The following TRPC4AP variants were observed in gnomAD, a reference collection of about 807,000 sequenced individuals.
The protein encoded by TRPC4AP is short transient receptor potential channel 4-associated protein.
In TRPC4AP, 45 loss-of-function variants were observed where a neutral mutation model predicts 99.0. The observed-to-expected ratio is 0.45, with a 90% confidence interval of 0.36 to 0.58. The LOEUF (loss-of-function observed/expected upper bound fraction) is 0.58. TRPC4AP is among the 20% of genes least tolerant of loss of function. The pLI, the probability that TRPC4AP is intolerant of heterozygous loss-of-function variation, is 0.00. For missense variants in TRPC4AP, 879 were observed against 985.3 expected (o/e 0.89, Z 1.44); for synonymous variants, 408 against 385.8 (o/e 1.06, Z -0.67).
Position 35,003,466 on chromosome 20 carries a change from G to C in TRPC4AP, c.2200C>G (p.Arg734Gly). Reference sequence around the variant, plus strand: ...TGCAGGTAGTGCTGCTGCCAGAAGCGCAGCAGGTTGTGGAAGTTGTTGAGC... The same window carrying C: ...TGCAGGTAGTGCTGCTGCCAGAAGCCCAGCAGGTTGTGGAAGTTGTTGAGC... ...FLLNNFHNLL[R>G]FWQQHYLHKD... Residue 734 changes from arginine to glycine, a missense_variant, in exon 18 of 19, where the codon CGC (arginine) becomes GGC (glycine). Physicochemically the swap from Arg to Gly is moderately radical, Grantham distance 125. Around this residue, in one of 3 missense-constraint regions of TRPC4AP, gnomAD observed 224 missense variants for 264.7 expected, o/e 0.85. Transcript: ENST00000252015. 6.2e-7 allele frequency: 1 copy of C among 1,614,146 alleles called. No homozygotes were observed. Among genetic ancestry groups the C allele is most frequent in the Non-Finnish European group, 8.5e-7 (1 of 1,180,032 alleles).
chr20:35,023,006 G>A (rs543604128), intron 8 of TRPC4AP, among the ~76,000 whole-genome samples: 6 of 145,246 alleles, frequency 4.1e-5, no homozygotes, highest in African/African-American at 7.5e-5. Flanking sequence ...CAGCCTGGGC[G>A]ACAGAGCTGG....
chr20:35,035,237 T>C lies in TRPC4AP; in HGVS notation c.937A>G (p.Thr313Ala), dbSNP rs772190656. The change falls in exon 8 of 19, where the codon ACG (threonine) becomes GCG (alanine). Residue 313 changes from threonine (T) to alanine (A), a missense_variant. Coordinates refer to ENST00000252015, the MANE Select transcript of TRPC4AP (RefSeq NM_015638.3). Reference sequence around the variant, plus strand: ...TCCTGAAGGAAGCTGGCTGTGCCCGTTGACTCTGACACCTTTCGAGTCGCC... The same window carrying C: ...TCCTGAAGGAAGCTGGCTGTGCCCGCTGACTCTGACACCTTTCGAGTCGCC... ...KLATRKVSES[T>A]GTASFLQELE... The C allele has an allele frequency of 7.4e-6, 12 of 1,614,058 alleles. No individual in the cohort carries two copies. Among genetic ancestry groups the C allele is most frequent in the African/African-American group, 4.0e-5 (3 of 74,894 alleles).
Position 35,002,976 on chromosome 20 carries a change from A to G in TRPC4AP, c.*170T>C. 1 of 872,186 alleles carries G rather than the reference A, an allele frequency of 1.1e-6. No individual in the cohort carries two copies. The highest frequency in any genetic ancestry group is 2.7e-5 in the Admixed American group (1 of 37,002). 54.0% of individuals were successfully genotyped at this position (872,186 alleles called of 1,614,324 possible). ...AGGCTCTCCATGACCTAGGGCCCTCAGACCCAGGGGGACCAAGGGCTTCTA... is the reference window on the plus strand; with the variant it reads ...AGGCTCTCCATGACCTAGGGCCCTCGGACCCAGGGGGACCAAGGGCTTCTA... On this transcript the variant is annotated 3_prime_UTR_variant, in exon 19 of 19. Coordinates refer to ENST00000252015, the MANE Select transcript of TRPC4AP (RefSeq NM_015638.3).
At chr20:35,074,599 C>G (rs898958647) in intron 2 of TRPC4AP, among the ~76,000 whole-genome samples, 5 of 152,152 alleles carry the variant, frequency 3.3e-5, no homozygotes, top group African/African-American at 1.2e-4. Flanking sequence ...TTTCTTAATC[C>G]TGAGTTCTAG....
intron 2 of TRPC4AP, among the ~76,000 whole-genome samples, chr20:35,077,534 T>C (rs1187335657): frequency 6.6e-6 from 1 of 152,156 alleles, no homozygotes; most frequent in African/African-American, 2.4e-5. Flanking sequence ...CTCTGTGTTT[T>C]AACACGCTCT....
intron 1 of TRPC4AP, among the ~76,000 whole-genome samples, chr20:35,089,149 G>T (rs1378261235): frequency 6.6e-6 from 1 of 151,502 alleles, no homozygotes; most frequent in Non-Finnish European, 1.5e-5. Context: ...GATTACAGGT[G>T]TAAGCCACCA....
In TRPC4AP at chr20:35,002,813, GGACT is replaced by G. The variant is rs957767976; in HGVS notation, c.*329_*332del. On this transcript the variant is annotated 3_prime_UTR_variant, in exon 19 of 19. Transcript: ENST00000252015. ...CACCCATATCTTCCTCCCCACTCTG[GGACT>G]GACTGACAGCCAAGAAACCGGCAGG... 8 of 251,728 alleles carry G rather than the reference GGACT, an allele frequency of 3.2e-5. No individual in the cohort carries two copies. The highest frequency in any genetic ancestry group is 2.9e-4 in the East Asian group (3 of 10,208). 15.6% of individuals were successfully genotyped at this position (251,728 alleles called of 1,614,324 possible).
intron 2 of TRPC4AP, among the ~76,000 whole-genome samples, chr20:35,077,061 G>A (rs1434632230): frequency 6.6e-6 from 1 of 152,212 alleles, no homozygotes; most frequent in Non-Finnish European, 1.5e-5. Flanking sequence ...GACCCTCCAA[G>A]CCAGGCGCAG....
intron 7 of TRPC4AP, 134 bp from the exon 8 acceptor site, chr20:35,035,442 G>A (rs1417929092): frequency 2.0e-6 from 2 of 999,004 alleles, no homozygotes; most frequent in Admixed American, 6.2e-5. Flanking sequence ...CTTTTAAAAT[G>A]AATGTCAAAC....
In TRPC4AP at chr20:35,003,515, G is replaced by A. The variant is rs371293020; in HGVS notation, c.2151C>T (p.His717=). The A allele has an allele frequency of 3.7e-6, 6 of 1,613,940 alleles. No homozygotes were observed. The highest frequency in any genetic ancestry group is 4.2e-6 in the Non-Finnish European group (5 of 1,180,040). Residue 717 remains histidine (H), a synonymous_variant, in exon 18 of 19, where the codon CAC becomes CAT. Coordinates refer to ENST00000252015, the MANE Select transcript of TRPC4AP (RefSeq NM_015638.3). Reference sequence around the variant, plus strand: ...GCAGGAAGCCGGGGTACTTCTTGCTGTGCTCCATCCGCTGCAGCAGCCGCA... The same window carrying A: ...GCAGGAAGCCGGGGTACTTCTTGCTATGCTCCATCCGCTGCAGCAGCCGCA... ...LYLRLLQRME[H]SKKYPGFLLN...
chr20:35,034,072 G>A lies in TRPC4AP; in HGVS notation c.1051+1051C>T, dbSNP rs1326550140. Reference sequence around the variant, plus strand: ...AGGCAGGAGAATGGCGTGAACCCGGGAAGCGGAGCTTGCAGTGAGCCGAGA... The same window carrying A: ...AGGCAGGAGAATGGCGTGAACCCGGAAAGCGGAGCTTGCAGTGAGCCGAGA... On this transcript the variant is annotated intron_variant, in intron 8 of 18. Transcript: ENST00000252015. Among the ~76,000 whole-genome samples, 5 of 51,484 alleles carry A rather than the reference G, an allele frequency of 9.7e-5. 2 individuals are homozygous for A. In the South Asian group the frequency reaches 3.8e-3, roughly 39 times the overall value. The allele number at this position is 51,484 out of a possible 152,430, so 33.8% of individuals were successfully genotyped here. A position where few individuals can be genotyped will look rare whatever the true frequency, so the allele number is the denominator to read the frequency against.
At chr20:35,066,171 T>C (rs2145982564) in intron 3 of TRPC4AP, among the ~76,000 whole-genome samples, 2 of 152,192 alleles carry the variant, frequency 1.3e-5, no homozygotes, top group Middle Eastern at 6.8e-3. Context: ...TGGTGCGATC[T>C]CGGCTCACTG....
At position 35,003,486 on chromosome 20, in the gene TRPC4AP, T is replaced by C. The variant is rs993325174; in HGVS notation, c.2180A>G (p.Asn727Ser). The C allele has an allele frequency of 6.2e-7, 1 of 1,614,092 alleles. No individual in the cohort carries two copies. The highest frequency in any genetic ancestry group is 1.7e-5 in the Admixed American group (1 of 60,026). ...HSKKYPGFLL[N>S]NFHNLLRFWQ... ...GAAGCGCAGCAGGTTGTGGAAGTTG[T>C]TGAGCAGGAAGCCGGGGTACTTCTT... The change falls in exon 18 of 19, where the codon AAC becomes AGC. Residue 727 changes from asparagine to serine, a missense_variant. Around this residue, in one of 3 missense-constraint regions of TRPC4AP, gnomAD observed 224 missense variants for 264.7 expected, o/e 0.85. Coordinates refer to ENST00000252015, the MANE Select transcript of TRPC4AP (RefSeq NM_015638.3).
intron 2 of TRPC4AP, among the ~76,000 whole-genome samples, chr20:35,077,638 G>T (rs1248158543): frequency 6.6e-6 from 1 of 152,104 alleles, no homozygotes; most frequent in African/African-American, 2.4e-5. Context: ...CATCAAACCT[G>T]GCCCCTTCAA....
Position 35,008,802 on chromosome 20 carries a change from G to A in TRPC4AP, c.1512-55C>T, listed in dbSNP as rs115396627. 2,086 of 1,519,624 alleles carry A rather than the reference G, an allele frequency of 1.4e-3. 16 individuals carry two copies. The African/African-American group carries it at 0.016, about 11-fold the overall frequency. 94.1% of individuals were successfully genotyped at this position (1,519,624 alleles called of 1,614,324 possible). On this transcript the variant is annotated intron_variant, in intron 12 of 18. Transcript: ENST00000252015. Reference sequence around the variant, plus strand: ...ATCTGAGAGGCTGACAGGGGCCCTGGGGATGGGTCATTCTGCTGGCTTAGG... The same window carrying A: ...ATCTGAGAGGCTGACAGGGGCCCTGAGGATGGGTCATTCTGCTGGCTTAGG...
intron 3 of TRPC4AP, among the ~76,000 whole-genome samples, chr20:35,058,199 A>G (rs908776025): frequency 6.6e-6 from 1 of 152,266 alleles, no homozygotes; most frequent in Non-Finnish European, 1.5e-5. Context: ...AAGGAAACAG[A>G]TAATTTAAAA....
intron 8 of TRPC4AP, among the ~76,000 whole-genome samples, chr20:35,033,122 A>T (rs2083239883): frequency 6.6e-6 from 1 of 152,076 alleles, no homozygotes; most frequent in Admixed American, 6.5e-5. Flanking sequence ...TGAACATGGG[A>T]GACAGAGGTT....
chr20:35,052,321 T>C (rs1043333943), intron 5 of TRPC4AP, among the ~76,000 whole-genome samples: 23 of 152,232 alleles, frequency 1.5e-4, no homozygotes, highest in Non-Finnish European at 2.8e-4. Flanking sequence ...CTTGAACTCC[T>C]GGACACACAC....
chr20:35,038,293 A>ATT (rs1290102836), intron 7 of TRPC4AP, among the ~76,000 whole-genome samples: 1 of 150,364 alleles, frequency 6.7e-6, no homozygotes, highest in Admixed American at 6.7e-5. Flanking sequence ...TTTTTTTAAC[A>ATT]TATCAGCTTG....
Sources: gnomAD v4.1 joint callset for allele counts (sites outside exome capture counted in the v4.1 genomes callset) on GRCh38, gnomAD v4.1.1 for gene constraint, gnomAD v4.1.1 regional missense constraint, MANE v1.5 for transcripts, NCBI Gene and HGNC (gene_info 2026-07-23, HGNC 2026-07-21) for gene names.